CNTN4: variants seen among roughly 807,000 people sequenced by gnomAD.
The protein encoded by CNTN4 is contactin 4.
In CNTN4, 77 loss-of-function variants were observed where a neutral mutation model predicts 122.5. The observed-to-expected ratio is 0.63, with a 90% CI of 0.52 to 0.76. The LOEUF is 0.76. Ranked by LOEUF, CNTN4 falls within the 30% of genes least tolerant of loss-of-function variation. The pLI is 0.00. For missense variants in CNTN4, 1,256 were observed against 1,259.1 expected, an observed-to-expected ratio of 1.00 and a Z score of 0.04; for synonymous variants, 512 against 447.0, an observed-to-expected ratio of 1.15 and a Z score of -1.83.
chr3:2,108,165 CTTTTT>C (rs55760208), intron 2 of CNTN4, among the ~76,000 whole-genome samples: 1 of 124,054 alleles, frequency 8.1e-6, no homozygotes, highest in Non-Finnish European at 1.7e-5. Flanking sequence ...TGTGCCTTTT[CTTTTT>C]TTTTTTTTTT....
chr3:2,153,686 A>T (rs1197259677), intron 2 of CNTN4, among the ~76,000 whole-genome samples: 2 of 152,138 alleles, frequency 1.3e-5, no homozygotes, highest in Non-Finnish European at 2.9e-5. Flanking sequence ...GAAGCGTTTA[A>T]ATAATGACCT....
intron 6 of CNTN4, among the ~76,000 whole-genome samples, chr3:2,795,914 G>T (rs1454288456): frequency 6.6e-6 from 1 of 152,166 alleles, no homozygotes; most frequent in East Asian, 1.9e-4. Context: ...ACATTTGATT[G>T]TGAGTAATCT....
intron 2 of CNTN4, among the ~76,000 whole-genome samples, chr3:2,156,755 A>C (rs2035739295): frequency 6.6e-6 from 1 of 152,128 alleles, no homozygotes; most frequent in Non-Finnish European, 1.5e-5. Flanking sequence ...TTCTGGCCCC[A>C]GTTTTGGTAG....
chr3:2,896,045 T>C (rs79428410), intron 10 of CNTN4, among the ~76,000 whole-genome samples: 7 of 151,654 alleles, frequency 4.6e-5, no homozygotes, highest in Admixed American at 4.6e-4. Flanking sequence ...AAAAAATAAA[T>C]AAATAAAAAT....
chr3:2,924,943 A>C (rs2094459355), intron 12 of CNTN4, among the ~76,000 whole-genome samples: 1 of 52,208 alleles, frequency 1.9e-5, no homozygotes, highest in African/African-American at 5.5e-5. Context: ...TACACAATTA[A>C]AAAAAAAAAT....
intron 3 of CNTN4, among the ~76,000 whole-genome samples, chr3:2,437,314 C>G (rs537870897): frequency 6.6e-6 from 1 of 152,220 alleles, no homozygotes; most frequent in East Asian, 1.9e-4. Context: ...GAAACCTACT[C>G]CATTAGTGTC....
At chr3:3,017,838 C>T (rs1697910548) in intron 14 of CNTN4, among the ~76,000 whole-genome samples, 1 of 152,196 alleles carries the variant, frequency 6.6e-6, no homozygotes, top group African/African-American at 2.4e-5. Flanking sequence ...CCATAAGAGA[C>T]AATCAGCAAA....
intron 2 of CNTN4, among the ~76,000 whole-genome samples, chr3:2,231,270 T>C (rs1448034685): frequency 1.3e-5 from 2 of 151,170 alleles, no homozygotes; most frequent in East Asian, 4.2e-4. Context: ...GGTTACCAAG[T>C]AGGACAGCTT....
chr3:2,322,058 T>C (rs1027644958), intron 2 of CNTN4, among the ~76,000 whole-genome samples: 1 of 152,216 alleles, frequency 6.6e-6, no homozygotes, highest in African/African-American at 2.4e-5. Context: ...GCAGTGTTCA[T>C]ACATGAAAAA....
intron 14 of CNTN4, among the ~76,000 whole-genome samples, chr3:3,000,884 T>C (rs548230598): frequency 9.3e-5 from 14 of 150,598 alleles, no homozygotes; most frequent in East Asian, 7.7e-4. Flanking sequence ...TTCTTTCTTT[T>C]TTTTTTTTTT....
intron 2 of CNTN4, among the ~76,000 whole-genome samples, chr3:2,135,327 AGCAGT>A (rs1360038183): frequency 6.6e-6 from 1 of 152,180 alleles, no homozygotes; most frequent in African/African-American, 2.4e-5. Context: ...TATTTTTCCT[AGCAGT>A]GTTATGTAAA....
At chr3:2,210,856 A>G (rs2038584613) in intron 2 of CNTN4, among the ~76,000 whole-genome samples, 1 of 152,212 alleles carries the variant, frequency 6.6e-6, no homozygotes, top group Non-Finnish European at 1.5e-5. Context: ...ATCTTCAGAA[A>G]TAAAATCATA....
At chr3:2,421,542 G>A (rs1424986018) in intron 3 of CNTN4, among the ~76,000 whole-genome samples, 2 of 152,092 alleles carry the variant, frequency 1.3e-5, no homozygotes, top group Non-Finnish European at 2.9e-5. Flanking sequence ...GTTAGCCACC[G>A]CTCCCAGCCC....
chr3:2,624,627 C>CTTT (rs1175851279), intron 4 of CNTN4, among the ~76,000 whole-genome samples: 39 of 89,914 alleles, frequency 4.3e-4, no homozygotes, highest in Middle Eastern at 5.5e-3. Flanking sequence ...ATTTCTGATT[C>CTTT]TTTTTTTTTT....
intron 3 of CNTN4, among the ~76,000 whole-genome samples, chr3:2,372,652 T>C (rs1310677981): frequency 1.3e-5 from 2 of 152,188 alleles, no homozygotes; most frequent in Non-Finnish European, 2.9e-5. Flanking sequence ...GGAATGTTTT[T>C]ATTTCTTCAG....
intron 2 of CNTN4, among the ~76,000 whole-genome samples, chr3:2,254,020 C>G (rs1018946682): frequency 2.6e-5 from 4 of 152,110 alleles, no homozygotes; most frequent in African/African-American, 9.7e-5. Context: ...GGTATTTCTC[C>G]TAATGCTATC....
At chr3:2,785,932 C>T (rs1475817824) in intron 6 of CNTN4, among the ~76,000 whole-genome samples, 1 of 130,274 alleles carries the variant, frequency 7.7e-6, no homozygotes, top group Non-Finnish European at 1.6e-5. Context: ...CCATAAAAAC[C>T]GCAGACCCCA....
chr3:2,557,312 A>G (rs2078759145), intron 3 of CNTN4, among the ~76,000 whole-genome samples: 1 of 152,240 alleles, frequency 6.6e-6, no homozygotes, highest in African/African-American at 2.4e-5. Context: ...CTTTACATAG[A>G]TCTCACATCG....
At chr3:2,110,359 T>C (rs2032845441) in intron 2 of CNTN4, 1 of 152,230 alleles carries the variant, frequency 6.6e-6, no homozygotes, top group Non-Finnish European at 1.5e-5. Context: ...TTGTAAGCAT[T>C]AGGTAAATGA....
Sources: gnomAD v4.1 joint callset for allele counts (sites outside exome capture counted in the v4.1 genomes callset) on GRCh38, gnomAD v4.1.1 for gene constraint, MANE v1.5 for transcripts, NCBI Gene and HGNC (gene_info 2026-07-23, HGNC 2026-07-21) for gene names.